The following SPIDR variants were observed in gnomAD, a reference collection of about 807,000 sequenced individuals.
SPIDR encodes scaffold protein involved in DNA repair.
Under a neutral mutation model 104.6 loss-of-function variants are expected in SPIDR, and 93 were observed. The ratio of observed to expected loss-of-function variants is 0.89; its 90% CI spans 0.75 to 1.06. The LOEUF is 1.06. Ranked by LOEUF, SPIDR falls within the 50% of genes least tolerant of loss-of-function variation. SPIDR has a pLI of 0.00. For missense variants in SPIDR, 1,154 were observed against 1,111.2 expected, an observed-to-expected ratio of 1.04 and a Z score of -0.55; for synonymous variants, 431 against 416.9, an observed-to-expected ratio of 1.03 and a Z score of -0.41.
At chr8:47,290,014 C>G (rs1397948264) in intron 3 of SPIDR, among the ~76,000 whole-genome samples, 1 of 152,076 alleles carries the variant, frequency 6.6e-6, no homozygotes, top group East Asian at 1.9e-4. Context: ...TAAAAAGTTA[C>G]ATAGTGATTT....
At chr8:47,304,576 G>GT (rs1353067672) in intron 5 of SPIDR, among the ~76,000 whole-genome samples, 1 of 152,122 alleles carries the variant, frequency 6.6e-6, no homozygotes, top group Non-Finnish European at 1.5e-5. Flanking sequence ...CTTTCACCAT[G>GT]TGAAGTGTCT....
chr8:47,576,836 A>G (rs950117409), intron 8 of SPIDR, among the ~76,000 whole-genome samples: 6 of 152,244 alleles, frequency 3.9e-5, no homozygotes, highest in African/African-American at 1.4e-4. Context: ...TGTATACAAG[A>G]TAAAATGGAT....
chr8:47,622,351 C>T (rs557672784), intron 10 of SPIDR, among the ~76,000 whole-genome samples: 4 of 152,280 alleles, frequency 2.6e-5, no homozygotes, highest in South Asian at 4.1e-4. Flanking sequence ...AGAGACCCAC[C>T]GCTTGGAGCA....
chr8:47,651,470 G>T (rs1005973462), intron 10 of SPIDR, among the ~76,000 whole-genome samples: 5 of 152,158 alleles, frequency 3.3e-5, no homozygotes, highest in African/African-American at 7.2e-5. Context: ...AACGGACGTG[G>T]TGAAAGGGGA....
At position 47,635,333 on chromosome 8, in the gene SPIDR, CTG is replaced by C. The variant is rs552541961; in HGVS notation, c.1544+36139_1544+36140del. Among the ~76,000 whole-genome samples, 9 of 152,100 alleles carry C rather than the reference CTG, an allele frequency of 5.9e-5. No homozygotes were observed. In the East Asian group the frequency reaches 1.7e-3, roughly 29 times the overall value. ...CTCTCCAGCCTGGGTGACAGAGTGACTGTCTCAAAAAAATAAAATAAAATAAC... is the reference window on the plus strand; with the variant it reads ...CTCTCCAGCCTGGGTGACAGAGTGACTCTCAAAAAAATAAAATAAAATAAC... On this transcript the variant is annotated intron_variant, in intron 10 of 19. Coordinates refer to ENST00000297423, the MANE Select transcript of SPIDR (RefSeq NM_001080394.4).
At chr8:47,349,094 A>G (rs1554620477) in intron 5 of SPIDR, among the ~76,000 whole-genome samples, 1 of 152,038 alleles carries the variant, frequency 6.6e-6, no homozygotes, top group Non-Finnish European at 1.5e-5. Context: ...GGTTTTATCT[A>G]CCTTTGGTCT....
chr8:47,514,397 G>A (rs762202191), intron 8 of SPIDR, among the ~76,000 whole-genome samples: 12 of 152,214 alleles, frequency 7.9e-5, no homozygotes, highest in Non-Finnish European at 1.3e-4. Flanking sequence ...CTGTGTTGGT[G>A]CTGATGACAT....
intron 5 of SPIDR, among the ~76,000 whole-genome samples, chr8:47,353,052 CA>C (rs57853552): frequency 0.033 from 2,507 of 75,508 alleles, 116 homozygotes; most frequent in Admixed American, 0.19. Context: ...GACTCTATCT[CA>C]AAAAAAAAAA....
chr8:47,339,015 A>T (rs184660710), intron 5 of SPIDR, among the ~76,000 whole-genome samples: 45 of 152,346 alleles, frequency 3.0e-4, no homozygotes, highest in African/African-American at 1.1e-3. Flanking sequence ...TACTACTTAG[A>T]GTGAACCTTC....
At chr8:47,552,280 A>G (rs369818607) in intron 8 of SPIDR, among the ~76,000 whole-genome samples, 1 of 152,196 alleles carries the variant, frequency 6.6e-6, no homozygotes, top group East Asian at 1.9e-4. Context: ...GTAGATGTCT[A>G]TTAGGTCTGC....
chr8:47,404,482 A>G (rs918106920), intron 6 of SPIDR, among the ~76,000 whole-genome samples: 25 of 152,226 alleles, frequency 1.6e-4, no homozygotes, highest in African/African-American at 6.0e-4. Context: ...AGAATCTATA[A>G]AGAACTTAAA....
At chr8:47,353,053 A>C (rs1426375524) in intron 5 of SPIDR, among the ~76,000 whole-genome samples, 2 of 39,194 alleles carry the variant, frequency 5.1e-5, no homozygotes, top group African/African-American at 7.8e-5. Flanking sequence ...ACTCTATCTC[A>C]AAAAAAAAAA....
chr8:47,348,099 T>C (rs1222669100), intron 5 of SPIDR, among the ~76,000 whole-genome samples: 3 of 152,168 alleles, frequency 2.0e-5, no homozygotes, highest in Admixed American at 6.5e-5. Context: ...TTGTTCCTTT[T>C]CATGTTTAGT....
intron 8 of SPIDR, among the ~76,000 whole-genome samples, chr8:47,536,774 T>C (rs1315306172): frequency 6.6e-6 from 1 of 152,222 alleles, no homozygotes; most frequent in Non-Finnish European, 1.5e-5. Context: ...TAAATTCTGC[T>C]CTGTGAAAGA....
At chr8:47,385,247 T>C (rs2059750508) in intron 5 of SPIDR, among the ~76,000 whole-genome samples, 1 of 152,142 alleles carries the variant, frequency 6.6e-6, no homozygotes, top group Non-Finnish European at 1.5e-5. Flanking sequence ...TTTTTTTGTT[T>C]TTCTCACCCG....
intron 8 of SPIDR, among the ~76,000 whole-genome samples, chr8:47,469,335 A>C (rs2075344015): frequency 1.3e-5 from 2 of 152,114 alleles, no homozygotes; most frequent in African/African-American, 4.8e-5. Context: ...TCAAATCAGA[A>C]CTCTCATTTG....
intron 5 of SPIDR, among the ~76,000 whole-genome samples, chr8:47,319,141 C>T (rs918078995): frequency 1.3e-5 from 2 of 152,136 alleles, no homozygotes; most frequent in Admixed American, 6.5e-5. Context: ...TAAAAAGACA[C>T]AGACTGGCAA....
chr8:47,538,023 A>T (rs2087251603), intron 8 of SPIDR, among the ~76,000 whole-genome samples: 2 of 152,004 alleles, frequency 1.3e-5, no homozygotes, highest in African/African-American at 2.4e-5. Flanking sequence ...AAAAATACAA[A>T]AATTAGTCAG....
intron 10 of SPIDR, among the ~76,000 whole-genome samples, chr8:47,643,531 TG>T (rs2069602189): frequency 6.6e-6 from 1 of 151,810 alleles, no homozygotes; most frequent in Non-Finnish European, 1.5e-5. Context: ...TTGTTGTTGT[TG>T]TTGTTGTTGT....
Sources: allele counts gnomAD v4.1 joint callset (sites outside exome capture counted in the v4.1 genomes callset), GRCh38; gene constraint gnomAD v4.1.1; transcripts MANE v1.5; gene names NCBI Gene and HGNC (gene_info 2026-07-23, HGNC 2026-07-21).